Variants in AP3D1 observed in about 807,000 individuals in gnomAD.
AP3D1 encodes the protein AP-3 complex subunit delta-1.
A neutral mutation model predicts 147.6 loss-of-function variants in AP3D1; 51 were observed. The observed-to-expected ratio is 0.35, with a 90% CI of 0.28 to 0.44. The LOEUF is 0.44. AP3D1 is among the 20% of genes least tolerant of loss of function. The probability of loss-of-function intolerance (pLI) is 1.00; values close to 1 mark genes in which losing one functional copy is unlikely to be tolerated. For synonymous variants in AP3D1, 760 were observed against 663.0 expected (o/e 1.15, Z -2.25); for missense variants, 1,421 against 1,624.2 (o/e 0.87, Z 2.15).
intron 1 of AP3D1, among the ~76,000 whole-genome samples, chr19:2,161,193 CT>C (rs1324018938): frequency 7.4e-6 from 1 of 135,622 alleles, no homozygotes; most frequent in East Asian, 2.3e-4. Context: ...CAGAGTCTTG[CT>C]CTTGTTGCTC....
chr19:2,114,073 C>G, intron 22 of AP3D1, 52 bp downstream of exon 22: 1 of 1,524,434 alleles, frequency 6.6e-7, no homozygotes, highest in East Asian at 2.4e-5. Flanking sequence ...CCTGGGAGTT[C>G]ACGGCAAGGG....
At chr19:2,111,513 G>T in intron 25 of AP3D1, 166 bp downstream of exon 25, 1 of 1,198,842 alleles carries the variant, frequency 8.3e-7, no homozygotes, top group Non-Finnish European at 1.2e-6. Flanking sequence ...CCACGGGGGT[G>T]CCTAATGTGG....
At position 2,121,075 on chromosome 19, in the gene AP3D1, A is replaced by T. The variant is rs1394582075; in HGVS notation, c.1268T>A (p.Val423Glu). The T allele has an allele frequency of 6.2e-7, 1 of 1,613,612 alleles. No homozygotes were observed. Residue 423 changes from valine (V) to glutamate (E), a missense_variant, in exon 14 of 32, where the codon GTG (valine) becomes GAG (glutamate). This residue lies in a region of AP3D1 where 310 missense variants were observed against 388.1 expected (regional missense o/e 0.80). Coordinates refer to ENST00000643116, the MANE Select transcript of AP3D1 (RefSeq NM_001261826.3). ...TNFEWYISIL[V>E]ELTRLEGTRH... ...TGTGCCCTCCAGCCGGGTCAGCTCC[A>T]CCAGGATGCTGATGTACCTGTGGGG...
At chr19:2,148,112 A>C (rs1384481401) in intron 1 of AP3D1, among the ~76,000 whole-genome samples, 5 of 149,590 alleles carry the variant, frequency 3.3e-5, no homozygotes. Context: ...GCACCACTGC[A>C]CTGCAGCCTG....
intron 1 of AP3D1, among the ~76,000 whole-genome samples, chr19:2,147,384 T>C (rs1347908141): frequency 7.2e-6 from 1 of 139,118 alleles, no homozygotes; most frequent in Non-Finnish European, 1.5e-5. Context: ...ACACACTCAG[T>C]TCAAATTTAA....
intron 1 of AP3D1, among the ~76,000 whole-genome samples, chr19:2,158,689 C>T (rs1455841780): frequency 1.3e-5 from 2 of 151,836 alleles, no homozygotes; most frequent in South Asian, 2.1e-4. Context: ...CTGCAACCTC[C>T]GCCTCCCAGG....
chr19:2,134,783 T>C (rs897559010), intron 4 of AP3D1, among the ~76,000 whole-genome samples: 9 of 151,038 alleles, frequency 6.0e-5, no homozygotes, highest in African/African-American at 1.9e-4. Flanking sequence ...GTATTTTTAG[T>C]ACAGACGGGG....
At chr19:2,128,472 C>CACCGCGCATG (rs2018827128) in intron 8 of AP3D1, among the ~76,000 whole-genome samples, 1 of 93,722 alleles carries the variant, frequency 1.1e-5, no homozygotes, top group Non-Finnish European at 2.2e-5. Context: ...GGCCCGCCCC[C>CACCGCGCATG]GCCGCTCCGA....
chr19:2,120,510 G>A (rs1330170623), intron 14 of AP3D1, among the ~76,000 whole-genome samples: 3 of 152,164 alleles, frequency 2.0e-5, no homozygotes, highest in Non-Finnish European at 4.4e-5. Flanking sequence ...GCTGCCACGC[G>A]CCCAGCTGGA....
intron 12 of AP3D1, 75 bp from the exon 13 acceptor site, chr19:2,121,386 C>T (rs889522449): frequency 1.3e-6 from 2 of 1,535,062 alleles, no homozygotes; most frequent in African/African-American, 1.4e-5. Context: ...CCAACACCTG[C>T]TCCTGAGACA....
chr19:2,112,524 A>T (rs571902486), intron 24 of AP3D1: 1 of 236,194 alleles, frequency 4.2e-6, no homozygotes, highest in Non-Finnish European at 8.2e-6. Context: ...GTGAGAAGTA[A>T]CGGCTGGTGG....
chr19:2,127,295 G>A (rs917226423), intron 8 of AP3D1, 94 bp from the exon 9 acceptor site: 26 of 1,366,888 alleles, frequency 1.9e-5, no homozygotes, highest in Admixed American at 3.6e-5. Context: ...GACGGCCTCC[G>A]CCCCACGGCT....
chr19:2,134,275 G>T (rs1011764044), intron 4 of AP3D1, among the ~76,000 whole-genome samples: 4 of 151,924 alleles, frequency 2.6e-5, no homozygotes, highest in African/African-American at 9.7e-5. Flanking sequence ...AAAAAAATCA[G>T]CCAGGTGTGG....
At chr19:2,112,322 T>C (rs2018306317) in intron 24 of AP3D1, 1 of 181,636 alleles carries the variant, frequency 5.5e-6, no homozygotes, top group Non-Finnish European at 1.2e-5. Flanking sequence ...CACTGGAACA[T>C]GACCCGGCCA....
intron 31 of AP3D1, among the ~76,000 whole-genome samples, chr19:2,105,541 T>C (rs1003077568): frequency 1.3e-5 from 2 of 152,232 alleles, no homozygotes; most frequent in African/African-American, 4.8e-5. Context: ...TTTAGTTAAT[T>C]TAATATCTAT....
chr19:2,122,685 C>T (rs764862536), intron 11 of AP3D1, among the ~76,000 whole-genome samples: 3 of 152,224 alleles, frequency 2.0e-5, no homozygotes, highest in East Asian at 1.9e-4. Context: ...TATGTGATCG[C>T]GGTCTCTCTT....
At chr19:2,111,357 C>T (rs376573593) in intron 25 of AP3D1, 25 bp from the exon 26 acceptor site, 1 of 1,613,670 alleles carries the variant, frequency 6.2e-7, no homozygotes, top group Non-Finnish European at 8.5e-7. Context: ...GGCGCATCAG[C>T]CTTGGGGGCC....
chr19:2,103,711 G>A (rs1366654582), intron 31 of AP3D1, among the ~76,000 whole-genome samples: 2 of 152,128 alleles, frequency 1.3e-5, no homozygotes, highest in East Asian at 3.8e-4. Flanking sequence ...ACTTGCAGCT[G>A]GGACCTGACC....
chr19:2,118,523 G>A lies in AP3D1; in HGVS notation c.1713+78C>T, dbSNP rs151105362. ...GCTTCGGAAGAGGAAGCGAGGCCCC[G>A]TCGACCTGGCCGCCACTGGACAGAA... is the stretch of plus-strand genomic sequence containing the variant. On this transcript the variant is annotated intron_variant, in intron 15 of 31. Transcript: ENST00000643116. The A allele has an allele frequency of 9.7e-3, 13,372 of 1,373,828 alleles. 97 individuals are homozygous for A. The highest frequency in any genetic ancestry group is 0.012 in the Non-Finnish European group (12,550 of 1,007,752). 85.1% of individuals were successfully genotyped at this position (1,373,828 alleles called of 1,614,324 possible).
Sources: gnomAD v4.1 joint callset for allele counts (sites outside exome capture counted in the v4.1 genomes callset) on GRCh38, gnomAD v4.1.1 for gene constraint, gnomAD v4.1.1 regional missense constraint, MANE v1.5 for transcripts, NCBI Gene and HGNC (gene_info 2026-07-23, HGNC 2026-07-21) for gene names.